The following PTPN21 variants were observed in gnomAD, a reference collection of about 807,000 sequenced individuals.
PTPN21 encodes tyrosine-protein phosphatase non-receptor type 21.
Under a neutral mutation model 131.8 loss-of-function variants are expected in PTPN21, and 77 were observed. The ratio of observed to expected loss-of-function variants is 0.58; its 90% confidence interval spans 0.49 to 0.71. The LOEUF (loss-of-function observed/expected upper bound fraction) is 0.71. Ranked by LOEUF, PTPN21 falls within the 30% of genes least tolerant of loss-of-function variation. The pLI, the probability that PTPN21 is intolerant of heterozygous loss-of-function variation, is 0.00. For missense variants in PTPN21, 1,552 were observed against 1,527.1 expected (o/e 1.02, Z -0.27); for synonymous variants, 715 against 621.3 (o/e 1.15, Z -2.24).
In PTPN21 at chr14:88,507,981, T is replaced by A. The variant is rs758174837; in HGVS notation, c.390A>T (p.Glu130Asp). Reference sequence around the variant, plus strand: ...GTTCTAAGGTACAAGGAATACTTCCTTCCAAGATATCTTTCTTCAGTTGCA... The same window carrying A: ...GTTCTAAGGTACAAGGAATACTTCCATCCAAGATATCTTTCTTCAGTTGCA... ...YYLQLKKDILEGSIPCTLEQA... is the reference protein window; with the variant it reads ...YYLQLKKDILDGSIPCTLEQA... The change falls in exon 4 of 19, where the codon GAA becomes GAT. Residue 130 changes from glutamate to aspartate, a missense_variant. Around this residue, in one of 4 missense-constraint regions of PTPN21, gnomAD observed 206 missense variants for 221.6 expected, o/e 0.93. Transcript: ENST00000556564. The A allele has an allele frequency of 5.6e-6, 9 of 1,607,584 alleles. No individual in the cohort carries two copies. Among genetic ancestry groups the A allele is most frequent in the Non-Finnish European group, 7.6e-6 (9 of 1,176,946 alleles).
chr14:88,472,441 C>G lies in PTPN21; in HGVS notation c.2674G>C (p.Glu892Gln). 1 of 1,613,248 alleles carries G rather than the reference C, an allele frequency of 6.2e-7. No individual in the cohort carries two copies. ...TATTCTGTGAATACCATTCCTTGTT[C>G]TAATCGTTGTTCCAGAATTTTACAC... ...ERCKILEQRLEQGMVFTEYER... is the reference protein window; with the variant it reads ...ERCKILEQRLQQGMVFTEYER... The change falls in exon 15 of 19, where the codon GAA becomes CAA. Residue 892 changes from glutamate to glutamine, a missense_variant. By Grantham distance (29) the Glu-to-Gln change is conservative. Transcript: ENST00000556564.
chr14:88,493,747 G>A (rs2077861326), intron 10 of PTPN21, among the ~76,000 whole-genome samples: 1 of 151,712 alleles, frequency 6.6e-6, no homozygotes. Context: ...GGAATTGAGT[G>A]CAACATTTCG....
At chr14:88,500,042 C>A (rs1482987386) in intron 8 of PTPN21, among the ~76,000 whole-genome samples, 8 of 152,004 alleles carry the variant, frequency 5.3e-5, no homozygotes, top group African/African-American at 9.7e-5. Flanking sequence ...GCAAAAAAAA[C>A]CAACATTATA....
At position 88,484,345 on chromosome 14, in the gene PTPN21, G is replaced by A. The variant is rs1193593481; in HGVS notation, c.1078+731C>T. 3.3e-5 allele frequency among the ~76,000 whole-genome samples: 5 copies of A among 152,184 alleles called. No individual in the cohort carries two copies. The East Asian group carries it at 9.7e-4, about 29-fold the overall frequency. ...TTTGGTATAGCCCCATACAGAGAGA[G>A]TATAGAGTAAATGTTAATTGACTGC... is the stretch of plus-strand genomic sequence containing the variant. On this transcript the variant is annotated intron_variant, in intron 12 of 18. Coordinates refer to ENST00000556564, the MANE Select transcript of PTPN21 (RefSeq NM_007039.4).
rs1305569539 is a variant in PTPN21, at chr14:88,479,040, C to T, written c.2391G>A (p.Ser797=). 58 of 1,607,256 alleles carry T rather than the reference C, an allele frequency of 3.6e-5. No individual in the cohort carries two copies. Among genetic ancestry groups the T allele is most frequent in the Non-Finnish European group, 4.8e-5 (56 of 1,177,596 alleles). ...GGCCTGACGTGGTGAGGTCGGACTC[C>T]GACATGGAGGGCATCAGCAGCCCGT... ...WRDGLLMPSM[S]ESDLTTSGRY... The change falls in exon 13 of 19, where the codon TCG becomes TCA. Residue 797 remains serine, a synonymous_variant. Transcript: ENST00000556564.
At chr14:88,501,393 G>A in intron 6 of PTPN21, 25 bp from the exon 7 acceptor site, 1 of 1,584,974 alleles carries the variant, frequency 6.3e-7, no homozygotes, top group Middle Eastern at 1.7e-4. Context: ...AAGCAAGATT[G>A]TTCACAAAGC....
intron 10 of PTPN21, chr14:88,492,943 GAC>G (rs2077846793): frequency 2.7e-6 from 1 of 375,450 alleles, no homozygotes; most frequent in Non-Finnish European, 5.3e-6. Context: ...AAACAAGAGA[GAC>G]AGATCAAATG....
At chr14:88,488,315 C>T (rs889733760) in intron 10 of PTPN21, among the ~76,000 whole-genome samples, 3 of 141,350 alleles carry the variant, frequency 2.1e-5, no homozygotes, top group Non-Finnish European at 4.6e-5. Flanking sequence ...CTTATCTTGG[C>T]GCTCTTGCCG....
intron 12 of PTPN21, among the ~76,000 whole-genome samples, chr14:88,484,812 T>C (rs1195672992): frequency 2.0e-5 from 3 of 152,044 alleles, no homozygotes; most frequent in African/African-American, 7.2e-5. Context: ...TGCTTGAATC[T>C]AGGAGGTGGA....
chr14:88,511,679 A>G (rs931796847), intron 3 of PTPN21, among the ~76,000 whole-genome samples: 12 of 152,230 alleles, frequency 7.9e-5, no homozygotes, highest in African/African-American at 2.9e-4. Flanking sequence ...AATAACAGGA[A>G]AAAAACAAAG....
At chr14:88,549,394 AG>A (rs1420997926) in intron 2 of PTPN21, among the ~76,000 whole-genome samples, 1 of 152,194 alleles carries the variant, frequency 6.6e-6, no homozygotes, top group African/African-American at 2.4e-5. Flanking sequence ...ATTACCTTAG[AG>A]GGGGAATATA....
chr14:88,474,146 A>C (rs1013033765), intron 13 of PTPN21, among the ~76,000 whole-genome samples: 11 of 136,386 alleles, frequency 8.1e-5, no homozygotes, highest in African/African-American at 1.4e-4. Context: ...AAAAAAAAAA[A>C]AAAAAAAAAC....
At chr14:88,510,987 A>C (rs954965516) in intron 3 of PTPN21, among the ~76,000 whole-genome samples, 1 of 151,326 alleles carries the variant, frequency 6.6e-6, no homozygotes, top group African/African-American at 2.4e-5. Flanking sequence ...ATCAGGGCTC[A>C]CTACAGCCTC....
intron 2 of PTPN21, among the ~76,000 whole-genome samples, chr14:88,543,716 C>T (rs768164597): frequency 1.3e-5 from 2 of 152,066 alleles, no homozygotes; most frequent in African/African-American, 2.4e-5. Context: ...AAAAACATTT[C>T]GTAAAGATCT....
At chr14:88,530,113 G>C (rs968896648) in intron 2 of PTPN21, among the ~76,000 whole-genome samples, 7 of 152,130 alleles carry the variant, frequency 4.6e-5, no homozygotes, top group African/African-American at 1.7e-4. Flanking sequence ...AAGGCATTGG[G>C]GTCCTATATT....
chr14:88,535,343 G>GT (rs1431508482), intron 2 of PTPN21, among the ~76,000 whole-genome samples: 4 of 152,136 alleles, frequency 2.6e-5, no homozygotes, highest in Non-Finnish European at 5.9e-5. Context: ...ACACATGGCT[G>GT]TATTTCCCCC....
chr14:88,480,193 G>A lies in PTPN21; in HGVS notation c.1238C>T (p.Ser413Leu), dbSNP rs1225029657. Residue 413 changes from serine to leucine, a missense_variant, in exon 13 of 19, where the codon TCG (serine) becomes TTG (leucine). By Grantham distance (145) the Ser-to-Leu change is moderately radical. Transcript: ENST00000556564. ...GATGCTAGGGTTGGACGACATCGGC[G>A]AGGGCTGCAAGTAGGGCTGAGGATT... ...LNNPQPYLQP[S>L]PMSSNPSITG... The A allele has an allele frequency of 6.2e-7, 1 of 1,614,176 alleles. No homozygotes were observed. The highest frequency in any genetic ancestry group is 1.7e-5 in the Admixed American group (1 of 60,010).
intron 2 of PTPN21, among the ~76,000 whole-genome samples, chr14:88,522,104 T>TGG (rs1255510669): frequency 1.3e-5 from 2 of 152,082 alleles, no homozygotes; most frequent in African/African-American, 4.8e-5. Context: ...AGCGAGAACT[T>TGG]TATCTAAAGG....
At chr14:88,543,140 C>T (rs1423506771) in intron 2 of PTPN21, among the ~76,000 whole-genome samples, 2 of 152,142 alleles carry the variant, frequency 1.3e-5, no homozygotes, top group Non-Finnish European at 2.9e-5. Flanking sequence ...AAATAAAACA[C>T]TTTGATGGCC....
Sources: allele counts gnomAD v4.1 joint callset (sites outside exome capture counted in the v4.1 genomes callset), GRCh38; gene constraint gnomAD v4.1.1; regional missense constraint gnomAD v4.1.1; transcripts MANE v1.5; gene names NCBI Gene and HGNC (gene_info 2026-07-23, HGNC 2026-07-21).